Variants in SPSB4 observed in about 807,000 individuals in gnomAD.
The protein encoded by SPSB4 is splA/ryanodine receptor domain and SOCS box containing 4.
A neutral mutation model predicts 20.9 loss-of-function variants in SPSB4; 21 were observed. The ratio of observed to expected loss-of-function variants is 1.01; its 90% CI spans 0.71 to 1.45. SPSB4 has a LOEUF of 1.45. Ranked by LOEUF, SPSB4 falls within the 40% of genes most tolerant of loss-of-function variation. The probability of loss-of-function intolerance (pLI) is 0.00; values close to 1 mark genes in which losing one functional copy is unlikely to be tolerated. For missense variants in SPSB4, 399 were observed against 399.2 expected, an observed-to-expected ratio of 1.00 and a Z score of 0.00; for synonymous variants, 207 against 183.8, an observed-to-expected ratio of 1.13 and a Z score of -1.02.
chr3:141,092,134 A>C (rs928614292), intron 2 of SPSB4, among the ~76,000 whole-genome samples: 2 of 152,148 alleles, frequency 1.3e-5, no homozygotes, highest in Admixed American at 6.5e-5. Flanking sequence ...GCTAGGTTCA[A>C]ATCTCAGCTT....
chr3:141,114,317 G>C (rs990684017), intron 2 of SPSB4, among the ~76,000 whole-genome samples: 1 of 152,096 alleles, frequency 6.6e-6, no homozygotes, highest in African/African-American at 2.4e-5. Context: ...CCAGCTGAGG[G>C]TATCTCACTC....
chr3:141,089,089 C>G (rs1007353202), intron 2 of SPSB4, among the ~76,000 whole-genome samples: 1 of 152,318 alleles, frequency 6.6e-6, no homozygotes, highest in East Asian at 1.9e-4. Context: ...GGCCAAGGAG[C>G]CCTTCCTGGC....
intron 2 of SPSB4, among the ~76,000 whole-genome samples, chr3:141,108,343 T>C (rs1041361479): frequency 2.6e-5 from 4 of 152,206 alleles, no homozygotes; most frequent in Non-Finnish European, 5.9e-5. Context: ...TGTGTGCTGC[T>C]GGGCGCATGT....
intron 2 of SPSB4, among the ~76,000 whole-genome samples, chr3:141,070,309 TTTG>T (rs1442962133): frequency 6.6e-5 from 10 of 152,140 alleles, no homozygotes; most frequent in Admixed American, 2.6e-4. Context: ...ACAATTTCTT[TTTG>T]TTGTTGTTGT....
intron 2 of SPSB4, among the ~76,000 whole-genome samples, chr3:141,092,408 A>T (rs537737106): frequency 6.6e-6 from 1 of 152,206 alleles, no homozygotes. Flanking sequence ...AACCATATCT[A>T]CCATTCTCGA....
intron 2 of SPSB4, among the ~76,000 whole-genome samples, chr3:141,108,997 C>T (rs1938749911): frequency 6.6e-6 from 1 of 152,196 alleles, no homozygotes; most frequent in South Asian, 2.1e-4. Flanking sequence ...GGTGACCCCA[C>T]CGCTCTAACT....
At chr3:141,061,433 A>G (rs1400170601) in intron 1 of SPSB4, among the ~76,000 whole-genome samples, 2 of 151,962 alleles carry the variant, frequency 1.3e-5, no homozygotes, top group African/African-American at 4.8e-5. Context: ...CTAATTAATG[A>G]GCTTTATTTC....
At chr3:141,079,739 A>G (rs1164353129) in intron 2 of SPSB4, among the ~76,000 whole-genome samples, 1 of 152,258 alleles carries the variant, frequency 6.6e-6, no homozygotes, top group African/African-American at 2.4e-5. Context: ...ATCCAGATAT[A>G]GAACAAAGTT....
chr3:141,103,144 T>C (rs1195594384), intron 2 of SPSB4, among the ~76,000 whole-genome samples: 26 of 152,234 alleles, frequency 1.7e-4, no homozygotes, highest in Admixed American at 1.7e-3. Context: ...GGGCAGCCTC[T>C]GAAGACAGCA....
intron 2 of SPSB4, among the ~76,000 whole-genome samples, chr3:141,095,408 G>C (rs755617260): frequency 2.6e-5 from 4 of 152,098 alleles, no homozygotes; most frequent in Non-Finnish European, 4.4e-5. Flanking sequence ...AGGCTGTCCT[G>C]GGGCGCAGAA....
At chr3:141,067,714 T>C (rs557910494) in intron 2 of SPSB4, among the ~76,000 whole-genome samples, 1 of 152,326 alleles carries the variant, frequency 6.6e-6, no homozygotes, top group East Asian at 1.9e-4. Context: ...CGTGGCTGCC[T>C]GTCCTGAGTT....
chr3:141,120,313 G>T (rs1481068970), intron 2 of SPSB4, among the ~76,000 whole-genome samples: 1 of 152,182 alleles, frequency 6.6e-6, no homozygotes, highest in Admixed American at 6.5e-5. Flanking sequence ...TTTTGCATTT[G>T]CTGAGGAGTG....
chr3:141,144,893 GATTTTGAA>G (rs1174501437), intron 2 of SPSB4, among the ~76,000 whole-genome samples: 1 of 152,202 alleles, frequency 6.6e-6, no homozygotes, highest in Non-Finnish European at 1.5e-5. Flanking sequence ...GTCTGCCAAT[GATTTTGAA>G]ATTTTAACAG....
chr3:141,079,374 C>A (rs563222241), intron 2 of SPSB4, among the ~76,000 whole-genome samples: 1 of 152,232 alleles, frequency 6.6e-6, no homozygotes, highest in South Asian at 2.1e-4. Flanking sequence ...AAGCTTCTTA[C>A]TGAAATTTTG....
In SPSB4 at chr3:141,071,933, T is replaced by G. The variant is rs563770877; in HGVS notation, c.694+5135T>G. On this transcript the variant is annotated intron_variant, in intron 2 of 2. Coordinates refer to ENST00000310546, the MANE Select transcript of SPSB4 (RefSeq NM_080862.3). Reference sequence around the variant, plus strand: ...GGTATTGATGAAGGCCAGAGAGAGTTTGCTCTCACGATGACTACAAGGACA... The same window carrying G: ...GGTATTGATGAAGGCCAGAGAGAGTGTGCTCTCACGATGACTACAAGGACA... 2.0e-5 allele frequency among the ~76,000 whole-genome samples: 3 copies of G among 152,268 alleles called. No individual in the cohort carries two copies. In the East Asian group the frequency reaches 5.8e-4, roughly 29 times the overall value.
chr3:141,094,049 G>A (rs1225576126), intron 2 of SPSB4, among the ~76,000 whole-genome samples: 3 of 152,348 alleles, frequency 2.0e-5, no homozygotes, highest in Non-Finnish European at 1.5e-5. Context: ...GCCTGGCCAG[G>A]TTCCCTGTAG....
At chr3:141,112,417 G>A (rs897628401) in intron 2 of SPSB4, among the ~76,000 whole-genome samples, 10 of 151,658 alleles carry the variant, frequency 6.6e-5, no homozygotes, top group Admixed American at 1.3e-4. Context: ...AGGCCGAGGC[G>A]GGCGGATCAC....
At chr3:141,067,217 C>G (rs1051588337) in intron 2 of SPSB4, among the ~76,000 whole-genome samples, 6 of 152,164 alleles carry the variant, frequency 3.9e-5, no homozygotes, top group Non-Finnish European at 8.8e-5. Flanking sequence ...GTGACAAGTC[C>G]CCAGTCCCTG....
At chr3:141,123,324 G>A (rs146536328) in intron 2 of SPSB4, among the ~76,000 whole-genome samples, 2 of 152,260 alleles carry the variant, frequency 1.3e-5, no homozygotes, top group South Asian at 2.1e-4. Context: ...TGTTGTCTCC[G>A]CCAATCTGCA....
Sources: allele counts gnomAD v4.1 joint callset (sites outside exome capture counted in the v4.1 genomes callset), GRCh38; gene constraint gnomAD v4.1.1; transcripts MANE v1.5; gene names NCBI Gene and HGNC (gene_info 2026-07-23, HGNC 2026-07-21).